CLDND1: variants seen among roughly 807,000 people sequenced by gnomAD.
The protein encoded by CLDND1 is claudin domain-containing protein 1.
A neutral mutation model predicts 26.3 loss-of-function variants in CLDND1; 13 were observed. The ratio of observed to expected loss-of-function variants is 0.49; its 90% CI spans 0.32 to 0.78. CLDND1 has a LOEUF of 0.78. CLDND1 is among the 30% of genes least tolerant of loss of function. CLDND1 has a pLI of 0.03. For missense variants in CLDND1, 289 were observed against 312.8 expected, an observed-to-expected ratio of 0.92 and a Z score of 0.57; for synonymous variants, 107 against 107.0, an observed-to-expected ratio of 1.00 and a Z score of 0.00.
At chr3:98,519,380 CAGAAACTTTAG>C (rs1706301366) in intron 2 of CLDND1, among the ~76,000 whole-genome samples, 1 of 152,198 alleles carries the variant, frequency 6.6e-6, no homozygotes, top group Non-Finnish European at 1.5e-5. Context: ...TTCCTCAGAC[CAGAAACTTTAG>C]AGTAATTCTT....
chr3:98,522,362 G>T, intron 1 of CLDND1: 1 of 215,944 alleles, frequency 4.6e-6, no homozygotes, highest in Non-Finnish European at 8.4e-6. Flanking sequence ...TATACACCGT[G>T]ACCGCACCAA....
intron 3 of CLDND1, among the ~76,000 whole-genome samples, chr3:98,517,793 T>G (rs1260176081): frequency 6.6e-6 from 1 of 152,152 alleles, no homozygotes; most frequent in Non-Finnish European, 1.5e-5. Context: ...ATTTTGTAAT[T>G]AAGGAAACTG....
chr3:98,518,424 T>A (rs1402055728), intron 3 of CLDND1, among the ~76,000 whole-genome samples: 1 of 152,220 alleles, frequency 6.6e-6, no homozygotes, highest in African/African-American at 2.4e-5. Context: ...TCATCTTTTT[T>A]GACATCTACC....
In CLDND1 at chr3:98,516,437, C is replaced by T; in HGVS notation, c.*222G>A. On this transcript the variant is annotated 3_prime_UTR_variant, in exon 5 of 5. Coordinates refer to ENST00000341181, the MANE Select transcript of CLDND1 (RefSeq NM_001040181.2). ...TCTATCCATTTCTTTCTGTCTAGAC[C>T]TAGATTAGTTTATTTGAAAGATGGC... 1.5e-6 allele frequency: 2 copies of T among 1,325,252 alleles called. No homozygotes were observed. Among genetic ancestry groups the T allele is most frequent in the Non-Finnish European group, 1.9e-6 (2 of 1,040,776 alleles). The allele number at this position is 1,325,252 out of a possible 1,614,324, so 82.1% of individuals were successfully genotyped here.
At chr3:98,519,036 T>C in intron 2 of CLDND1, 41 bp from the exon 3 acceptor site, 1 of 1,176,078 alleles carries the variant, frequency 8.5e-7, no homozygotes, top group Non-Finnish European at 1.2e-6. Context: ...ATTATAAACA[T>C]TTAACAAAAA....
chr3:98,522,345 C>T lies in CLDND1; in HGVS notation c.-19+504G>A, dbSNP rs562369495. 1.3e-4 allele frequency: 25 copies of T among 185,438 alleles called. 1 individual carries two copies. The highest frequency in any genetic ancestry group is 1.0e-3 in the South Asian group (7 of 6,808). The allele number at this position is 185,438 out of a possible 1,614,324, so 11.5% of individuals were successfully genotyped here. A position where few individuals can be genotyped will look rare whatever the true frequency, so the allele number is the denominator to read the frequency against. ...AGATCGCGCTGAGTCAAATACTACACGGCAAGTATACACCGTGACCGCACC... is the reference window on the plus strand; with the variant it reads ...AGATCGCGCTGAGTCAAATACTACATGGCAAGTATACACCGTGACCGCACC... On this transcript the variant is annotated intron_variant, in intron 1 of 4. Transcript: ENST00000341181.
rs1419836668 is a variant in CLDND1, at chr3:98,517,204, G to A, written c.404-15C>T. On this transcript the variant is annotated splice_polypyrimidine_tract_variant and intron_variant, in intron 3 of 4. Transcript: ENST00000341181. The stretch of plus-strand genomic sequence containing the variant: ...ACGCCAAAGATCTGATTTTTAAAAA[G>A]AGAGAAAAGAAATGTTACCGTGATT... 6.2e-7 allele frequency: 1 copy of A among 1,607,016 alleles called. No individual in the cohort carries two copies. The highest frequency in any genetic ancestry group is 1.3e-5 in the African/African-American group (1 of 74,448).
chr3:98,515,782 T>C lies in CLDND1; in HGVS notation c.*877A>G, dbSNP rs1417658382. On this transcript the variant is annotated 3_prime_UTR_variant, in exon 5 of 5. Transcript: ENST00000341181. ...CCAGAACTTTAGATCTTGTGGTAGGTTTCCCAGCTCTGGAGGGTCATTATG... is the reference window on the plus strand; with the variant it reads ...CCAGAACTTTAGATCTTGTGGTAGGCTTCCCAGCTCTGGAGGGTCATTATG... 2.3e-6 allele frequency: 3 copies of C among 1,289,796 alleles called. No homozygotes were observed. In the Admixed American group the frequency reaches 6.9e-5, roughly 30 times the overall value. 79.9% of individuals were successfully genotyped at this position (1,289,796 alleles called of 1,614,324 possible).
Position 98,516,242 on chromosome 3 carries a change from T to G in CLDND1, c.*417A>C. The G allele has an allele frequency of 6.8e-6, 7 of 1,030,700 alleles. No homozygotes were observed. Among genetic ancestry groups the G allele is most frequent in the Non-Finnish European group, 8.2e-6 (7 of 857,504 alleles). The allele number at this position is 1,030,700 out of a possible 1,614,324, so 63.8% of individuals were successfully genotyped here. A position where few individuals can be genotyped will look rare whatever the true frequency, so the allele number is the denominator to read the frequency against. ...TGACTGGCTATCTACAACAGCAAAG[T>G]GAACATAAAGTTTTGACGATGAGAG... On this transcript the variant is annotated 3_prime_UTR_variant, in exon 5 of 5. Transcript: ENST00000341181.
chr3:98,516,966 A>C, intron 4 of CLDND1, 86 bp downstream of exon 4: 1 of 1,607,728 alleles, frequency 6.2e-7, no homozygotes, highest in Non-Finnish European at 8.5e-7. Context: ...CAGGGCAGTT[A>C]ATACGTGAAC....
chr3:98,520,091 T>C (rs905315874), intron 2 of CLDND1, among the ~76,000 whole-genome samples: 3 of 152,232 alleles, frequency 2.0e-5, no homozygotes, highest in Admixed American at 1.3e-4. Context: ...CTGTCATCCT[T>C]TATTAGAATG....
Position 98,516,771 on chromosome 3 carries a change from CAGA to C in CLDND1, c.647_649del (p.Phe216del). ...TAAGGGAGCAGAGACACAAGCCAGG[CAGA>C]AGGACCATCCAAATTCACCGGATAC... On this transcript the variant is annotated inframe_deletion, in exon 5 of 5. Coordinates refer to ENST00000341181, the MANE Select transcript of CLDND1 (RefSeq NM_001040181.2). 1 of 1,614,132 alleles carries C rather than the reference CAGA, an allele frequency of 6.2e-7. No homozygotes were observed. Among genetic ancestry groups the C allele is most frequent in the Non-Finnish European group, 8.5e-7 (1 of 1,180,006 alleles).
chr3:98,517,023 T>C, intron 4 of CLDND1, 29 bp downstream of exon 4: 1 of 1,612,878 alleles, frequency 6.2e-7, no homozygotes, highest in Non-Finnish European at 8.5e-7. Context: ...AGGAAGAAGC[T>C]AAAAGGTAAG....
chr3:98,517,261 T>G, intron 3 of CLDND1, 72 bp from the exon 4 acceptor site: 2 of 1,528,430 alleles, frequency 1.3e-6, no homozygotes, highest in South Asian at 1.2e-5. Context: ...GGCAATTTCT[T>G]TCATATTCTA....
chr3:98,516,525 T>C lies in CLDND1; in HGVS notation c.*134A>G. The C allele has an allele frequency of 7.0e-7, 1 of 1,419,716 alleles. No homozygotes were observed. 87.9% of individuals were successfully genotyped at this position (1,419,716 alleles called of 1,614,324 possible). A position where few individuals can be genotyped will look rare whatever the true frequency, so the allele number is the denominator to read the frequency against. ...AAGTGTGTATTTAGTGGTGAATGTG[T>C]ATAAATAAAATAGATTTTCATAATA... is the stretch of plus-strand genomic sequence containing the variant. On this transcript the variant is annotated 3_prime_UTR_variant, in exon 5 of 5. Coordinates refer to ENST00000341181, the MANE Select transcript of CLDND1 (RefSeq NM_001040181.2).
chr3:98,521,458 A>C lies in CLDND1; in HGVS notation c.-18-16T>G, dbSNP rs1706405249. On this transcript the variant is annotated splice_polypyrimidine_tract_variant and intron_variant, in intron 1 of 4. Coordinates refer to ENST00000341181, the MANE Select transcript of CLDND1 (RefSeq NM_001040181.2). ...TCAGACTGCTCTGTTTAGAAGTTGA[A>C]GAAAGAAGATAAGTTAGAGTTTACG... The C allele has an allele frequency of 6.2e-7, 1 of 1,601,522 alleles. No individual in the cohort carries two copies. Among genetic ancestry groups the C allele is most frequent in the Non-Finnish European group, 8.5e-7 (1 of 1,172,998 alleles).
chr3:98,516,285 A>G lies in CLDND1; in HGVS notation c.*374T>C. On this transcript the variant is annotated 3_prime_UTR_variant, in exon 5 of 5. Transcript: ENST00000341181. The stretch of plus-strand genomic sequence containing the variant: ...GATGAGAGGTTTCCCAAAGAAACTA[A>G]TATAGAGTTTTTAGTTGAACAGATA... The G allele has an allele frequency of 9.6e-7, 1 of 1,037,876 alleles. No individual in the cohort carries two copies. The highest frequency in any genetic ancestry group is 1.2e-6 in the Non-Finnish European group (1 of 862,522). The allele number at this position is 1,037,876 out of a possible 1,614,324, so 64.3% of individuals were successfully genotyped here.
At chr3:98,519,652 C>A (rs1706316253) in intron 2 of CLDND1, among the ~76,000 whole-genome samples, 1 of 152,194 alleles carries the variant, frequency 6.6e-6, no homozygotes, top group African/African-American at 2.4e-5. Flanking sequence ...TCTCATTCTG[C>A]CTAGAGTCCT....
chr3:98,517,342 A>G (rs1706187175), intron 3 of CLDND1, 153 bp from the exon 4 acceptor site: 1 of 827,324 alleles, frequency 1.2e-6, no homozygotes, highest in Admixed American at 2.9e-5. Context: ...ACATTATTCA[A>G]AAGGATGCTA....
Sources: allele counts gnomAD v4.1 joint callset (sites outside exome capture counted in the v4.1 genomes callset), GRCh38; gene constraint gnomAD v4.1.1; transcripts MANE v1.5; gene names NCBI Gene and HGNC (gene_info 2026-07-23, HGNC 2026-07-21).